ADAM22: variants seen among roughly 807,000 people sequenced by gnomAD.
ADAM22 encodes the protein disintegrin and metalloproteinase domain-containing protein 22.
ADAM22 carries 65 observed loss-of-function variants against 144.6 expected under a neutral mutation model. That is an observed-to-expected ratio of 0.45 (90% CI 0.37 to 0.55). ADAM22 has a LOEUF of 0.55. ADAM22 is among the 20% of genes least tolerant of loss of function. The pLI, the probability that ADAM22 is intolerant of heterozygous loss-of-function variation, is 0.00. For synonymous variants in ADAM22, 391 were observed against 412.6 expected (o/e 0.95, Z 0.63); for missense variants, 974 against 1,184.9 (o/e 0.82, Z 2.61).
intron 23 of ADAM22, among the ~76,000 whole-genome samples, chr7:88,164,954 C>G (rs922585359): frequency 6.6e-6 from 1 of 152,034 alleles, no homozygotes; most frequent in Non-Finnish European, 1.5e-5. Flanking sequence ...AAACCTTTTT[C>G]GTTCTGCCTA....
At chr7:88,188,407 T>C (rs1848836349) in intron 30 of ADAM22, among the ~76,000 whole-genome samples, 1 of 152,138 alleles carries the variant, frequency 6.6e-6, no homozygotes, top group Non-Finnish European at 1.5e-5. Context: ...GCACCCCTGA[T>C]TGCACGTGCA....
chr7:87,949,711 G>C (rs1844573743), intron 2 of ADAM22, among the ~76,000 whole-genome samples: 1 of 150,592 alleles, frequency 6.6e-6, no homozygotes, highest in East Asian at 1.9e-4. Context: ...TTTTCCTATA[G>C]CTAAGCCCCA....
intron 4 of ADAM22, among the ~76,000 whole-genome samples, chr7:88,106,908 A>G (rs1465980558): frequency 6.6e-6 from 1 of 152,148 alleles, no homozygotes; most frequent in Non-Finnish European, 1.5e-5. Flanking sequence ...TTCCAGGCAC[A>G]TTGAATCCAA....
chr7:88,152,554 G>A (rs956167805), intron 20 of ADAM22, among the ~76,000 whole-genome samples: 1 of 152,136 alleles, frequency 6.6e-6, no homozygotes, highest in African/African-American at 2.4e-5. Flanking sequence ...TTGTCTTTAT[G>A]ATTAACAAAA....
At chr7:88,128,372 A>G (rs569005593) in intron 8 of ADAM22, among the ~76,000 whole-genome samples, 1 of 152,152 alleles carries the variant, frequency 6.6e-6, no homozygotes, top group East Asian at 1.9e-4. Context: ...GGTGGAGAAT[A>G]GAGGTGAGAG....
chr7:88,124,787 G>A (rs557016228), intron 7 of ADAM22, among the ~76,000 whole-genome samples: 5 of 151,806 alleles, frequency 3.3e-5, no homozygotes, highest in African/African-American at 1.2e-4. Context: ...TTCCTTACCC[G>A]ATTTTATTAT....
At chr7:87,969,548 C>G (rs987009899) in intron 2 of ADAM22, among the ~76,000 whole-genome samples, 1 of 152,120 alleles carries the variant, frequency 6.6e-6, no homozygotes, top group Non-Finnish European at 1.5e-5. Flanking sequence ...CTAAAAGTGT[C>G]GAATGGACTA....
intron 30 of ADAM22, among the ~76,000 whole-genome samples, chr7:88,190,969 T>C (rs1292477883): frequency 6.6e-6 from 1 of 151,914 alleles, no homozygotes. Context: ...TACTTCTATT[T>C]TGACTCCTGC....
intron 26 of ADAM22, among the ~76,000 whole-genome samples, chr7:88,175,616 A>C (rs776040595): frequency 1.3e-5 from 2 of 152,232 alleles, no homozygotes; most frequent in Non-Finnish European, 2.9e-5. Flanking sequence ...TGCATGTAAT[A>C]TGAGAAATTT....
chr7:88,053,583 G>A (rs1180105618), intron 3 of ADAM22, among the ~76,000 whole-genome samples: 2 of 117,052 alleles, frequency 1.7e-5, no homozygotes, highest in African/African-American at 6.4e-5. Context: ...AGGAAAGGAA[G>A]GAAGGAAGGA....
Position 88,004,989 on chromosome 7 carries a change from A to G in ADAM22, c.323+26577A>G, listed in dbSNP as rs1053856370. Among the ~76,000 whole-genome samples the G allele has an allele frequency of 2.6e-5, 4 of 152,116 alleles. No individual in the cohort carries two copies. In the East Asian group the frequency reaches 7.7e-4, roughly 29 times the overall value. ...ACTAAATGTGAGAATTTAATGCTAT[A>G]TTATTATAAAACGCTAAGTGTGCTG... On this transcript the variant is annotated intron_variant, in intron 3 of 31. Transcript: ENST00000413139.
At chr7:88,056,266 C>A (rs1187198541) in intron 3 of ADAM22, among the ~76,000 whole-genome samples, 1 of 152,078 alleles carries the variant, frequency 6.6e-6, no homozygotes, top group Admixed American at 6.6e-5. Flanking sequence ...ATGCCTAATT[C>A]ATTTAATACT....
chr7:88,102,013 G>A (rs1304043918), intron 4 of ADAM22, among the ~76,000 whole-genome samples: 1 of 152,126 alleles, frequency 6.6e-6, no homozygotes, highest in East Asian at 1.9e-4. Context: ...TTTGTAGCAG[G>A]CATACCTGGG....
chr7:88,040,449 A>G (rs1024583404), intron 3 of ADAM22, among the ~76,000 whole-genome samples: 1 of 151,670 alleles, frequency 6.6e-6, no homozygotes, highest in East Asian at 1.9e-4. Flanking sequence ...CCATTGTTAA[A>G]CTCATCAGCT....
intron 3 of ADAM22, among the ~76,000 whole-genome samples, chr7:87,991,359 T>A (rs1017387672): frequency 2.2e-5 from 3 of 139,074 alleles, no homozygotes; most frequent in Non-Finnish European, 4.6e-5. Flanking sequence ...CTTATTTTTT[T>A]TTTTTTTTTT....
intron 3 of ADAM22, among the ~76,000 whole-genome samples, chr7:88,061,314 C>T (rs558310930): frequency 1.8e-4 from 28 of 152,268 alleles, no homozygotes; most frequent in African/African-American, 6.7e-4. Context: ...TTGACTTCCT[C>T]TTATGAATAT....
rs1554478728 is a variant in ADAM22 at position 88,113,703 on chromosome 7, A to ATATAT, written c.474-881_474-880insTATAT. Among the ~76,000 whole-genome samples, 247 of 48,042 alleles carry ATATAT rather than the reference A, an allele frequency of 5.1e-3. 4 individuals carry two copies. Among genetic ancestry groups the ATATAT allele is most frequent in the South Asian group, 8.5e-3 (7 of 822 alleles). The allele number at this position is 48,042 out of a possible 152,430, so 31.5% of individuals were successfully genotyped here. ...TATATATATTATAAATAAATAAATA[A>ATATAT]ATATATATATATATATATATATATA... On this transcript the variant is annotated intron_variant, in intron 5 of 31. Coordinates refer to ENST00000413139, the MANE Select transcript of ADAM22 (RefSeq NM_001324418.2).
chr7:88,111,171 T>C (rs1363238003), intron 5 of ADAM22, among the ~76,000 whole-genome samples: 1 of 152,102 alleles, frequency 6.6e-6, no homozygotes, highest in African/African-American at 2.4e-5. Context: ...TATGAGCACA[T>C]AGGATAAATA....
intron 14 of ADAM22, among the ~76,000 whole-genome samples, chr7:88,137,039 A>G (rs1325618652): frequency 6.6e-6 from 1 of 152,162 alleles, no homozygotes; most frequent in East Asian, 1.9e-4. Context: ...AGCCCCAGCC[A>G]AGGTAACCAC....
Sources: allele counts gnomAD v4.1 joint callset (sites outside exome capture counted in the v4.1 genomes callset), GRCh38; gene constraint gnomAD v4.1.1; transcripts MANE v1.5; gene names NCBI Gene and HGNC (gene_info 2026-07-23, HGNC 2026-07-21).